Variants in COL15A1 observed in about 807,000 individuals in gnomAD.
The protein encoded by COL15A1 is collagen alpha-1(XV) chain.
A neutral mutation model predicts 165.9 loss-of-function variants in COL15A1; 111 were observed. The observed-to-expected ratio is 0.67, with a 90% CI of 0.57 to 0.78. The LOEUF (loss-of-function observed/expected upper bound fraction) is 0.78. COL15A1 is among the 30% of genes least tolerant of loss of function. The probability of loss-of-function intolerance (pLI) is 0.00; values close to 1 mark genes in which losing one functional copy is unlikely to be tolerated. For synonymous variants in COL15A1, 659 were observed against 674.8 expected (o/e 0.98, Z 0.36); for missense variants, 1,745 against 1,789.7 (o/e 0.98, Z 0.45).
At position 99,001,068 on chromosome 9, in the gene COL15A1, C is replaced by T. The variant is rs1267869621; in HGVS notation, c.1065+117C>T. 22 of 676,102 alleles carry T rather than the reference C, an allele frequency of 3.3e-5. No individual in the cohort carries two copies. In the East Asian group the frequency reaches 5.4e-4, roughly 17 times the overall value. 41.9% of individuals were successfully genotyped at this position (676,102 alleles called of 1,614,324 possible). On this transcript the variant is annotated intron_variant, in intron 7 of 41. Coordinates refer to ENST00000375001, the MANE Select transcript of COL15A1 (RefSeq NM_001855.5). ...AACCACAAGGGTTTTGGTTGAATAG[C>T]ATCAAGATTGCTTCTGTCCTCATGG...
intron 5 of COL15A1, among the ~76,000 whole-genome samples, chr9:98,991,221 C>A (rs1268625060): frequency 1.3e-5 from 2 of 151,250 alleles, no homozygotes; most frequent in African/African-American, 4.9e-5. Flanking sequence ...CAAGTTGCCG[C>A]TGCTCACTCA....
intron 26 of COL15A1, among the ~76,000 whole-genome samples, chr9:99,046,657 G>A (rs1839496238): frequency 6.6e-6 from 1 of 152,184 alleles, no homozygotes; most frequent in Non-Finnish European, 1.5e-5. Flanking sequence ...CAGAGCTAGG[G>A]AGAACTCATT....
At chr9:98,982,756 C>T (rs1267689572) in intron 2 of COL15A1, among the ~76,000 whole-genome samples, 1 of 152,056 alleles carries the variant, frequency 6.6e-6, no homozygotes, top group Non-Finnish European at 1.5e-5. Flanking sequence ...ATCCTGCCAC[C>T]TCAACCTCCT....
At chr9:99,002,225 C>A (rs1357691975) in intron 7 of COL15A1, among the ~76,000 whole-genome samples, 1 of 151,052 alleles carries the variant, frequency 6.6e-6, no homozygotes, top group African/African-American at 2.4e-5. Flanking sequence ...CCTCACCTCC[C>A]CCTCCTCTCC....
chr9:99,052,196 T>C (rs181985866), intron 30 of COL15A1, among the ~76,000 whole-genome samples, 192 bp from the exon 31 acceptor site: 8 of 152,358 alleles, frequency 5.3e-5, no homozygotes, highest in Admixed American at 1.3e-4. Context: ...GGTCTCCCAG[T>C]TTAAAGCCTG....
rs554328621 is a variant in COL15A1, at chr9:99,050,814, T to G, written c.2904+919T>G. Among the ~76,000 whole-genome samples, 4 of 152,346 alleles carry G rather than the reference T, an allele frequency of 2.6e-5. No homozygotes were observed. In the South Asian group the frequency reaches 8.3e-4, roughly 32 times the overall value. On this transcript the variant is annotated intron_variant, in intron 30 of 41. Transcript: ENST00000375001. ...CGTAATTGATCCCTGTTGGAGGTGA[T>G]GTTAAGGCTTGGGTCATAGCCTTCA...
intron 2 of COL15A1, among the ~76,000 whole-genome samples, chr9:98,956,033 T>C (rs1855403): frequency 0.38 from 57,195 of 152,132 alleles, 10,870 homozygotes; most frequent in African/African-American, 0.41. Context: ...GGCTGGGGTA[T>C]GGTGGCTCAT....
intron 2 of COL15A1, among the ~76,000 whole-genome samples, chr9:98,961,478 G>A (rs1837864352): frequency 6.6e-6 from 1 of 152,192 alleles, no homozygotes; most frequent in Non-Finnish European, 1.5e-5. Context: ...AAGGAGGTGG[G>A]GATGATGGGC....
chr9:98,949,933 A>T (rs546425082), intron 2 of COL15A1, among the ~76,000 whole-genome samples: 1 of 152,358 alleles, frequency 6.6e-6, no homozygotes, highest in East Asian at 1.9e-4. Context: ...AAATGGAATC[A>T]TACAGTGTAT....
intron 9 of COL15A1, among the ~76,000 whole-genome samples, chr9:99,011,629 A>G (rs60327679): frequency 0.035 from 5,277 of 152,160 alleles, 284 homozygotes; most frequent in African/African-American, 0.12. Flanking sequence ...CTTTTAAAAA[A>G]CACACTTTTT....
chr9:98,997,212 A>T, intron 6 of COL15A1, 131 bp downstream of exon 6: 4 of 1,117,674 alleles, frequency 3.6e-6, no homozygotes, highest in Non-Finnish European at 5.0e-6. Context: ...AAGGGTGAGA[A>T]CCACCCTCAT....
chr9:99,044,714 G>A (rs766321146), intron 25 of COL15A1, 21 bp from the exon 26 acceptor site: 1 of 1,613,222 alleles, frequency 6.2e-7, no homozygotes, highest in Non-Finnish European at 8.5e-7. Flanking sequence ...ACAGTGACAA[G>A]TATATATCTT....
At position 99,049,714 on chromosome 9, in the gene COL15A1, C is replaced by A; in HGVS notation, c.2818C>A (p.Pro940Thr). The A allele has an allele frequency of 6.2e-7, 1 of 1,613,864 alleles. No homozygotes were observed. The highest frequency in any genetic ancestry group is 8.5e-7 in the Non-Finnish European group (1 of 1,180,032). Reference protein sequence around the residue: ...MQGPPGLPGPPGPPGPPGAVI... With the variant: ...MQGPPGLPGPTGPPGPPGAVI... ...GGGCCCACCTGGCTTACCTGGCCCT[C>A]CAGGCCCCCCTGGGCCACCTGGAGC... The change falls in exon 29 of 42, where the codon CCA becomes ACA. Residue 940 changes from proline (P) to threonine (T), a missense_variant. By Grantham distance (38) the Pro-to-Thr change is conservative. Transcript: ENST00000375001.
rs370574408 is a variant in COL15A1 at position 99,054,632 on chromosome 9, G to T, written c.3007G>T (p.Asp1003Tyr). Residue 1003 changes from aspartate (D) to tyrosine (Y), a missense_variant, in exon 32 of 42, where the codon GAC (aspartate) becomes TAC (tyrosine). Asp to Tyr is a radical substitution (Grantham distance 160). Coordinates refer to ENST00000375001, the MANE Select transcript of COL15A1 (RefSeq NM_001855.5). ...GLPGSKGEKGDQGAQGPPGPP... is the reference protein window; with the variant it reads ...GLPGSKGEKGYQGAQGPPGPP... ...TCCTGGCTCAAAGGGAGAAAAAGGCGACCAGGGAGCCCAGGGACCACCAGG... is the reference window on the plus strand; with the variant it reads ...TCCTGGCTCAAAGGGAGAAAAAGGCTACCAGGGAGCCCAGGGACCACCAGG... 6 of 1,613,124 alleles carry T rather than the reference G, an allele frequency of 3.7e-6. No individual in the cohort carries two copies. Among genetic ancestry groups the T allele is most frequent in the East Asian group, 2.2e-5 (1 of 44,878 alleles).
chr9:98,968,525 T>C (rs141909283), intron 2 of COL15A1, among the ~76,000 whole-genome samples: 40 of 152,302 alleles, frequency 2.6e-4, no homozygotes, highest in African/African-American at 9.1e-4. Flanking sequence ...CTTCCTCTTC[T>C]GTCTGTCAAA....
Position 99,020,464 on chromosome 9 carries a change from G to A in COL15A1, c.1701+22G>A, listed in dbSNP as rs1239430344. On this transcript the variant is annotated intron_variant, in intron 12 of 41. Transcript: ENST00000375001. ...AAAGGTTTGTGCTGTGACCATCCTG[G>A]GGAACACTTTGGCTCCTGATCAAGT... is the stretch of plus-strand genomic sequence containing the variant. The A allele has an allele frequency of 1.9e-6, 3 of 1,578,382 alleles. No individual in the cohort carries two copies. The South Asian group carries it at 3.3e-5, about 17-fold the overall frequency.
chr9:99,015,772 A>G (rs537665157), intron 10 of COL15A1, among the ~76,000 whole-genome samples: 1 of 152,280 alleles, frequency 6.6e-6, no homozygotes, highest in East Asian at 1.9e-4. Context: ...TTGCCCAAGA[A>G]TTTACTCAGA....
In COL15A1 at chr9:99,026,047, G is replaced by A. The variant is rs1839119156; in HGVS notation, c.2043+81G>A. On this transcript the variant is annotated intron_variant, in intron 16 of 41. Transcript: ENST00000375001. ...CTCTCTGACCCCTAAACCTGACCTT[G>A]CCTCTTATGTGACTGACCCCCTGGC... The A allele has an allele frequency of 5.2e-6, 7 of 1,347,614 alleles. No individual in the cohort carries two copies. The East Asian group carries it at 1.5e-4, about 29-fold the overall frequency. 83.5% of individuals were successfully genotyped at this position (1,347,614 alleles called of 1,614,324 possible). A position where few individuals can be genotyped will look rare whatever the true frequency, so the allele number is the denominator to read the frequency against.
At chr9:99,007,847 A>G (rs1838789461) in intron 9 of COL15A1, among the ~76,000 whole-genome samples, 2 of 152,240 alleles carry the variant, frequency 1.3e-5, no homozygotes, top group Admixed American at 6.5e-5. Context: ...ATTTGAAAAC[A>G]TTATTATGGA....
Sources: gnomAD v4.1 joint callset for allele counts (sites outside exome capture counted in the v4.1 genomes callset) on GRCh38, gnomAD v4.1.1 for gene constraint, MANE v1.5 for transcripts, NCBI Gene and HGNC (gene_info 2026-07-23, HGNC 2026-07-21) for gene names.